The following TACC2 variants were observed in gnomAD, a reference collection of about 807,000 sequenced individuals.
TACC2 encodes the protein transforming acidic coiled-coil containing protein 2, also known as transforming acidic coiled-coil-containing protein 2.
Under a neutral mutation model 227.3 loss-of-function variants are expected in TACC2, and 137 were observed. The ratio of observed to expected loss-of-function variants is 0.60; its 90% CI spans 0.52 to 0.69. The LOEUF (loss-of-function observed/expected upper bound fraction) is 0.69, where lower values mean the gene tolerates loss of function less well. Ranked by LOEUF, TACC2 falls within the 30% of genes least tolerant of loss-of-function variation. The pLI, the probability that TACC2 is intolerant of heterozygous loss-of-function variation, is 0.00. For synonymous variants in TACC2, 1,523 were observed against 1,487.5 expected, an observed-to-expected ratio of 1.02 and a Z score of -0.55; for missense variants, 3,470 against 3,694.4, an observed-to-expected ratio of 0.94 and a Z score of 1.57.
rs1324473163 is a variant in TACC2, at chr10:122,180,137, C to T, written c.5835-14903C>T. ...TGTAACCCTCAGTGGCTTTCAGACT[C>T]CTCATGGGTCTCAGCGAGGCCAGGT... is the stretch of plus-strand genomic sequence containing the variant. On this transcript the variant is annotated intron_variant, in intron 7 of 22. Coordinates refer to ENST00000369005, the MANE Select transcript of TACC2 (RefSeq NM_206862.4). The surrounding 1 kb of genome is among the most constrained non-coding windows in gnomAD (Gnocchi z 4.5). Among the ~76,000 whole-genome samples the T allele has an allele frequency of 6.6e-6, 1 of 151,976 alleles. No individual in the cohort carries two copies. Among genetic ancestry groups the T allele is most frequent in the African/African-American group, 2.4e-5 (1 of 41,396 alleles).
Position 122,211,019 on chromosome 10 carries a change from G to T in TACC2, c.6594G>T (p.Gly2198=), listed in dbSNP as rs767266341. The T allele has an allele frequency of 6.2e-6, 10 of 1,611,420 alleles. No homozygotes were observed. Among genetic ancestry groups the T allele is most frequent in the Admixed American group, 1.7e-5 (1 of 59,422 alleles). Residue 2198 remains glycine, a synonymous_variant, in exon 9 of 23, where the codon GGG becomes GGT. Transcript: ENST00000369005. ...AGACGCCCCTTGAGCCCGCTGTGGG[G>T]CCCAAAGCTGCCTGCCCTCTGGACT... The part of the protein sequence containing the change: ...LEETPLEPAV[G]PKAACPLDSE...
intron 5 of TACC2, among the ~76,000 whole-genome samples, chr10:122,126,219 G>C (rs1358014233): frequency 2.0e-5 from 3 of 152,016 alleles, no homozygotes; most frequent in African/African-American, 7.2e-5. Context: ...GTACTGTAAG[G>C]GGGGGCTTTC....
intron 8 of TACC2, among the ~76,000 whole-genome samples, chr10:122,204,030 C>T (rs894512631): frequency 2.0e-5 from 3 of 151,228 alleles, no homozygotes; most frequent in Non-Finnish European, 2.9e-5. Context: ...TGGCGGCGCG[C>T]GCCTGCAATC....
chr10:122,252,138 G>A (rs1211837533), intron 22 of TACC2, among the ~76,000 whole-genome samples: 1 of 152,152 alleles, frequency 6.6e-6, no homozygotes, highest in Non-Finnish European at 1.5e-5. Flanking sequence ...CTTTCTAACG[G>A]GTCTGCTGAT....
At chr10:122,241,151 C>T (rs1400050842) in intron 18 of TACC2, among the ~76,000 whole-genome samples, 3 of 151,960 alleles carry the variant, frequency 2.0e-5, no homozygotes, top group Admixed American at 1.3e-4. Flanking sequence ...ATGAGAAGGC[C>T]GAGAGCAAAC....
chr10:122,126,316 C>CTGTGTCTGTGTGTGTGTGTGTG, intron 5 of TACC2, among the ~76,000 whole-genome samples: 1 of 142,132 alleles, frequency 7.0e-6, no homozygotes, highest in Admixed American at 7.3e-5. Flanking sequence ...TAATCCAGAA[C>CTGTGTCTGTGTGTGTGTGTGTG]TGTGTGTGTG....
chr10:122,166,960 C>T (rs1249920431), intron 7 of TACC2, among the ~76,000 whole-genome samples: 2 of 152,234 alleles, frequency 1.3e-5, no homozygotes, highest in Non-Finnish European at 2.9e-5. Flanking sequence ...TTGATCAGAC[C>T]TGCTGTTCAT....
chr10:122,193,286 C>T (rs1222030080), intron 7 of TACC2, among the ~76,000 whole-genome samples: 3 of 152,182 alleles, frequency 2.0e-5, no homozygotes, highest in Non-Finnish European at 2.9e-5. Flanking sequence ...AAGTAAGTCA[C>T]TGACAAACTA....
rs1268820302 is a variant in TACC2, at chr10:122,210,433, C to T, written c.6008C>T (p.Pro2003Leu). The part of the protein sequence containing the change: ...GSETVPVPDG[P>L]RSDSVEGSPF... ...GAGACAGTCCCTGTCCCTGATGGCC[C>T]ACGGAGCGACTCGGTGGAAGGAAGT... The change falls in exon 9 of 23, where the codon CCA becomes CTA. Residue 2003 changes from proline to leucine, a missense_variant. Transcript: ENST00000369005. This position sits in a 1 kb window ranked among gnomAD's most constrained non-coding sequence, Gnocchi z 4.6. 2 of 1,613,998 alleles carry T rather than the reference C, an allele frequency of 1.2e-6. No individual in the cohort carries two copies. Among genetic ancestry groups the T allele is most frequent in the Non-Finnish European group, 1.7e-6 (2 of 1,180,026 alleles).
intron 1 of TACC2, among the ~76,000 whole-genome samples, chr10:122,013,413 C>T (rs3750840): frequency 0.36 from 55,229 of 151,984 alleles, 10,470 homozygotes; most frequent in South Asian, 0.58. Context: ...TGTATTAAAA[C>T]GGGAACATGA....
intron 3 of TACC2, among the ~76,000 whole-genome samples, chr10:122,057,191 C>G (rs1377715155): frequency 6.6e-6 from 1 of 152,076 alleles, no homozygotes; most frequent in East Asian, 1.9e-4. Flanking sequence ...GACTCCGTCT[C>G]AAACATAAAA....
intron 2 of TACC2, among the ~76,000 whole-genome samples, chr10:122,041,082 G>A (rs915736813): frequency 6.6e-6 from 1 of 152,254 alleles, no homozygotes; most frequent in Non-Finnish European, 1.5e-5. Context: ...GAGAATCTGT[G>A]TATGCGAGCC....
intron 7 of TACC2, among the ~76,000 whole-genome samples, chr10:122,151,423 G>A (rs774894907): frequency 6.6e-6 from 1 of 151,978 alleles, no homozygotes; most frequent in South Asian, 2.1e-4. Flanking sequence ...GGGGTGTGGC[G>A]AGGCCCAGCA....
At chr10:122,006,451 A>AAAAT (rs147969943) in intron 1 of TACC2, among the ~76,000 whole-genome samples, 5,173 of 149,296 alleles carry the variant, frequency 0.035, 132 homozygotes, top group African/African-American at 0.055. Context: ...TCAGTCTCAA[A>AAAAT]AAATAAATAA....
intron 5 of TACC2, among the ~76,000 whole-genome samples, chr10:122,097,398 AAAG>A (rs1254138924): frequency 6.6e-6 from 1 of 152,070 alleles, no homozygotes. Context: ...AGAAAAGAAG[AAAG>A]AAGAAGAAAC....
At chr10:122,109,026 C>A (rs2083281661) in intron 5 of TACC2, among the ~76,000 whole-genome samples, 1 of 152,212 alleles carries the variant, frequency 6.6e-6, no homozygotes, top group Non-Finnish European at 1.5e-5. Flanking sequence ...AGCCATGGCG[C>A]CTGGCCTACA....
intron 7 of TACC2, among the ~76,000 whole-genome samples, chr10:122,193,065 T>C (rs2094462827): frequency 6.6e-6 from 1 of 152,258 alleles, no homozygotes; most frequent in Non-Finnish European, 1.5e-5. Context: ...AGCCCTTTGA[T>C]ATTAATGAGT....
chr10:122,069,540 C>T (rs189973650), intron 3 of TACC2, among the ~76,000 whole-genome samples: 1 of 152,308 alleles, frequency 6.6e-6, no homozygotes, highest in East Asian at 1.9e-4. Flanking sequence ...CTGCGCCTGG[C>T]CCCCATTGTT....
chr10:122,158,332 T>C (rs907315763), intron 7 of TACC2, among the ~76,000 whole-genome samples: 3 of 151,428 alleles, frequency 2.0e-5, no homozygotes, highest in African/African-American at 7.3e-5. Flanking sequence ...GAGGTTGCAG[T>C]GAGCTGAGAT....
Sources: gnomAD v4.1 joint callset for allele counts (sites outside exome capture counted in the v4.1 genomes callset) on GRCh38, gnomAD v4.1.1 for gene constraint, Gnocchi (gnomAD v3.1) non-coding constraint, MANE v1.5 for transcripts, NCBI Gene and HGNC (gene_info 2026-07-23, HGNC 2026-07-21) for gene names.